The following CREB5 variants were observed in gnomAD, a reference collection of about 807,000 sequenced individuals.
CREB5 encodes the protein cAMP responsive element binding protein 5.
Under a neutral mutation model 57.1 loss-of-function variants are expected in CREB5, and 19 were observed. That is an observed-to-expected ratio of 0.33 (90% CI 0.23 to 0.49). The LOEUF is 0.49. Among genes scored for constraint, CREB5 ranks in the 20% least tolerant of loss-of-function variants. CREB5 has a pLI of 0.99. For synonymous variants in CREB5, 238 were observed against 238.3 expected (o/e 1.00, Z 0.01); for missense variants, 579 against 671.6 (o/e 0.86, Z 1.52).
intron 1 of CREB5, among the ~76,000 whole-genome samples, chr7:28,338,004 C>T (rs1033313983): frequency 6.6e-6 from 1 of 152,092 alleles, no homozygotes; most frequent in African/African-American, 2.4e-5. Context: ...AATAAAAATT[C>T]TACACTTAAC....
At chr7:28,554,641 C>T (rs952990377) in intron 4 of CREB5, among the ~76,000 whole-genome samples, 4 of 152,256 alleles carry the variant, frequency 2.6e-5, no homozygotes, top group African/African-American at 7.2e-5. Context: ...TACTGGGCAG[C>T]ACCCATTTGG....
Position 28,471,575 on chromosome 7 carries a change from A to G in CREB5, c.4-16600A>G, listed in dbSNP as rs566117712. Among the ~76,000 whole-genome samples the G allele has an allele frequency of 3.3e-5, 5 of 152,326 alleles. No individual in the cohort carries two copies. The East Asian group carries it at 9.6e-4, about 29-fold the overall frequency. On this transcript the variant is annotated intron_variant, in intron 1 of 10. Coordinates refer to ENST00000357727, the MANE Select transcript of CREB5 (RefSeq NM_182898.4). ...CTGGGGCTTACTGGGCATTCACTAC[A>G]TGCTGCATTTAATCTTTATCACAAC...
chr7:28,655,519 G>C (rs1178583584), intron 5 of CREB5, among the ~76,000 whole-genome samples: 1 of 152,180 alleles, frequency 6.6e-6, no homozygotes, highest in African/African-American at 2.4e-5. Context: ...GCTGAGGAGA[G>C]AGAGAGAATT....
At chr7:28,381,479 G>A (rs1452369951) in intron 1 of CREB5, among the ~76,000 whole-genome samples, 2 of 152,142 alleles carry the variant, frequency 1.3e-5, no homozygotes, top group Non-Finnish European at 2.9e-5. Context: ...TGTAGCTTTC[G>A]GACTTTGATT....
chr7:28,736,821 TC>T (rs1804007160), intron 7 of CREB5, among the ~76,000 whole-genome samples: 40 of 90,688 alleles, frequency 4.4e-4, no homozygotes, highest in Admixed American at 3.8e-3. Context: ...TCTCTCTCTC[TC>T]TCTTTTTTTT....
In CREB5 at chr7:28,500,535, T is replaced by C. The variant is rs144015193; in HGVS notation, c.169+5536T>C. Among the ~76,000 whole-genome samples the C allele has an allele frequency of 3.9e-3, 588 of 152,354 alleles. 5 individuals are homozygous for C. The highest frequency in any genetic ancestry group is 0.013 in the African/African-American group (559 of 41,584). On this transcript the variant is annotated intron_variant, in intron 3 of 10. Transcript: ENST00000357727. The stretch of plus-strand genomic sequence containing the variant: ...GTCCTTCAGAACCCAACTGTGTCCC[T>C]GGATTAGGTCTATAATCAGGGCCCA...
At chr7:28,798,131 C>A (rs138835463) in intron 7 of CREB5, among the ~76,000 whole-genome samples, 83 of 152,102 alleles carry the variant, frequency 5.5e-4, no homozygotes, top group African/African-American at 1.9e-3. Flanking sequence ...CATTTTTTTT[C>A]TGGAGCAAAA....
rs191918512 is a variant in CREB5, at chr7:28,659,262, G to A, written c.465-59491G>A. 3.6e-3 allele frequency among the ~76,000 whole-genome samples: 549 copies of A among 152,148 alleles called. 6 individuals are homozygous for A. The highest frequency in any genetic ancestry group is 0.017 in the Middle Eastern group (5 of 294). ...TCAGCAACTGGAATTGGTTCCTGTG[G>A]CACTTCAGAAGATGGAAATGGTGTT... On this transcript the variant is annotated intron_variant, in intron 5 of 10. Transcript: ENST00000357727.
intron 9 of CREB5, among the ~76,000 whole-genome samples, chr7:28,817,715 T>C (rs1039443916): frequency 2.6e-5 from 4 of 152,216 alleles, no homozygotes; most frequent in African/African-American, 9.6e-5. Flanking sequence ...ATCCCCATCT[T>C]ATAACGAGGT....
chr7:28,684,911 G>A (rs1319085336), intron 5 of CREB5, among the ~76,000 whole-genome samples: 1 of 152,124 alleles, frequency 6.6e-6, no homozygotes, highest in African/African-American at 2.4e-5. Flanking sequence ...TGCTAATAGA[G>A]TAGTGTCTGG....
intron 1 of CREB5, among the ~76,000 whole-genome samples, chr7:28,485,682 C>A (rs1384496363): frequency 6.6e-6 from 1 of 152,086 alleles, no homozygotes; most frequent in African/African-American, 2.4e-5. Flanking sequence ...TGGCAATGGT[C>A]AGGCAGATGA....
intron 3 of CREB5, among the ~76,000 whole-genome samples, chr7:28,504,393 A>G (rs1792390737): frequency 1.3e-5 from 2 of 152,194 alleles, no homozygotes; most frequent in Non-Finnish European, 2.9e-5. Context: ...ATAATGGCGG[A>G]TGCTCCATTG....
intron 5 of CREB5, among the ~76,000 whole-genome samples, chr7:28,636,458 T>C (rs1562540497): frequency 6.6e-6 from 1 of 152,152 alleles, no homozygotes; most frequent in Non-Finnish European, 1.5e-5. Context: ...GCCTCCCTCC[T>C]TGAGGGCAAA....
chr7:28,354,731 C>A (rs1469825813), intron 1 of CREB5, among the ~76,000 whole-genome samples: 2 of 152,172 alleles, frequency 1.3e-5, no homozygotes, highest in African/African-American at 2.4e-5. Context: ...CTTAAGAACC[C>A]AGATGCTTGT....
intron 5 of CREB5, among the ~76,000 whole-genome samples, chr7:28,686,846 T>C (rs1184959647): frequency 1.3e-5 from 2 of 152,224 alleles, no homozygotes; most frequent in Non-Finnish European, 2.9e-5. Flanking sequence ...AACTATATTA[T>C]GGTATTTTAA....
chr7:28,532,897 G>A (rs13239269), intron 4 of CREB5, among the ~76,000 whole-genome samples: 2 of 152,216 alleles, frequency 1.3e-5, no homozygotes, highest in Non-Finnish European at 2.9e-5. Flanking sequence ...TTAGACAAGA[G>A]TTACTGTGGG....
At chr7:28,516,600 C>A (rs1228828152) in intron 4 of CREB5, among the ~76,000 whole-genome samples, 1 of 152,208 alleles carries the variant, frequency 6.6e-6, no homozygotes, top group Non-Finnish European at 1.5e-5. Context: ...AGCCTTACTG[C>A]AGCTGAAAAT....
At chr7:28,335,171 G>A (rs1360528002) in intron 1 of CREB5, among the ~76,000 whole-genome samples, 1 of 151,902 alleles carries the variant, frequency 6.6e-6, no homozygotes, top group Non-Finnish European at 1.5e-5. Flanking sequence ...GATAGCTTTG[G>A]CTATTCTTGT....
intron 4 of CREB5, among the ~76,000 whole-genome samples, chr7:28,541,705 T>C (rs1794217855): frequency 6.6e-6 from 1 of 152,158 alleles, no homozygotes; most frequent in Non-Finnish European, 1.5e-5. Flanking sequence ...AAAACCTTAG[T>C]CCTGTATCAA....
Sources: gnomAD v4.1 joint callset for allele counts (sites outside exome capture counted in the v4.1 genomes callset) on GRCh38, gnomAD v4.1.1 for gene constraint, MANE v1.5 for transcripts, NCBI Gene and HGNC (gene_info 2026-07-23, HGNC 2026-07-21) for gene names.